The following ELAPOR1 variants were observed in gnomAD, a reference collection of about 807,000 sequenced individuals.
ELAPOR1 encodes endosome-lysosome associated apoptosis and autophagy regulator 1, also known as endosome/lysosome-associated apoptosis and autophagy regulator 1.
In ELAPOR1, 77 loss-of-function variants were observed where a neutral mutation model predicts 119.7. The observed-to-expected ratio is 0.64, with a 90% CI of 0.54 to 0.78. The LOEUF (loss-of-function observed/expected upper bound fraction) is 0.78, where lower values mean the gene tolerates loss of function less well. ELAPOR1 is among the 30% of genes least tolerant of loss of function. ELAPOR1 has a pLI of 0.00. For missense variants in ELAPOR1, 1,115 were observed against 1,270.4 expected (o/e 0.88, Z 1.86); for synonymous variants, 481 against 487.2 (o/e 0.99, Z 0.17).
At chr1:109,141,018 A>G (rs1649793488) in intron 1 of ELAPOR1, among the ~76,000 whole-genome samples, 1 of 151,832 alleles carries the variant, frequency 6.6e-6, no homozygotes, top group Non-Finnish European at 1.5e-5. Flanking sequence ...CATCCAGCTA[A>G]TTTTTGTGTT....
At chr1:109,120,463 T>C (rs1221874868) in intron 1 of ELAPOR1, among the ~76,000 whole-genome samples, 1 of 152,006 alleles carries the variant, frequency 6.6e-6, no homozygotes. Flanking sequence ...CCCTCCACTA[T>C]ATGAGGACAC....
At chr1:109,191,935 A>C (rs1432994735) in intron 13 of ELAPOR1, 72 bp downstream of exon 13, 1 of 1,555,864 alleles carries the variant, frequency 6.4e-7, no homozygotes, top group Non-Finnish European at 8.8e-7. Context: ...GCATTAGCTT[A>C]AGTATGAGTG....
chr1:109,117,685 A>G (rs1364966603), intron 1 of ELAPOR1, among the ~76,000 whole-genome samples: 2 of 152,244 alleles, frequency 1.3e-5, no homozygotes, highest in African/African-American at 4.8e-5. Context: ...TGCCTAGTAC[A>G]TACCCTTGAT....
At chr1:109,135,846 G>T (rs568577389) in intron 1 of ELAPOR1, among the ~76,000 whole-genome samples, 2 of 152,278 alleles carry the variant, frequency 1.3e-5, no homozygotes, top group African/African-American at 4.8e-5. Context: ...TGAGCTGGGT[G>T]GTGGGACGAG....
In ELAPOR1 at chr1:109,164,581, C is replaced by T; in HGVS notation, c.357C>T (p.Gly119=). Residue 119 remains glycine (G), a synonymous_variant, in exon 3 of 22, where the codon GGC becomes GGT. Coordinates refer to ENST00000369939, the MANE Select transcript of ELAPOR1 (RefSeq NM_020775.5). ...GCGCTGAGGGCCGCTACTCCCTCGG[C>T]ACAGGCATTCGGTTTGATGAGTGGG... is the stretch of plus-strand genomic sequence containing the variant. ...KPCAEGRYSL[G]TGIRFDEWDE... is the part of the protein sequence containing the mutation. 6.2e-7 allele frequency: 1 copy of T among 1,614,262 alleles called. No individual in the cohort carries two copies.
chr1:109,204,134 G>C lies in ELAPOR1; in HGVS notation c.*1122G>C, dbSNP rs1654355203. 1 of 152,218 alleles carries C rather than the reference G, an allele frequency of 6.6e-6. No homozygotes were observed. Among genetic ancestry groups the C allele is most frequent in the Non-Finnish European group, 1.5e-5 (1 of 68,140 alleles). The allele number at this position is 152,218 out of a possible 1,614,324, so 9.4% of individuals were successfully genotyped here. Reference sequence around the variant, plus strand: ...CACAGGGTTTCACCATGTTGCCCAGGCTGGTCTCCAACTCCTGGGCTCAAG... The same window carrying C: ...CACAGGGTTTCACCATGTTGCCCAGCCTGGTCTCCAACTCCTGGGCTCAAG... On this transcript the variant is annotated 3_prime_UTR_variant, in exon 22 of 22. Transcript: ENST00000369939.
Position 109,198,045 on chromosome 1 carries a change from T to G in ELAPOR1, c.2369T>G (p.Leu790Trp). Residue 790 changes from leucine to tryptophan, a missense_variant, in exon 17 of 22, where the codon TTG (leucine) becomes TGG (tryptophan). Physicochemically the swap from Leu to Trp is moderately conservative, Grantham distance 61. Coordinates refer to ENST00000369939, the MANE Select transcript of ELAPOR1 (RefSeq NM_020775.5). Reference sequence around the variant, plus strand: ...GCTGAACTTTTCCACCTGGAGTCCTTGGGAATACCGGACGTGATCTTCTTT... The same window carrying G: ...GCTGAACTTTTCCACCTGGAGTCCTGGGGAATACCGGACGTGATCTTCTTT... ...SPAELFHLES[L>W]GIPDVIFFYR... The G allele has an allele frequency of 6.2e-7, 1 of 1,614,012 alleles. No individual in the cohort carries two copies. Among genetic ancestry groups the G allele is most frequent in the Non-Finnish European group, 8.5e-7 (1 of 1,179,894 alleles).
chr1:109,187,906 C>T, intron 8 of ELAPOR1: 1 of 1,163,332 alleles, frequency 8.6e-7, no homozygotes. Flanking sequence ...CAACTGGTCC[C>T]ACATTCTCTG....
intron 20 of ELAPOR1, among the ~76,000 whole-genome samples, chr1:109,200,474 C>T (rs1268452215): frequency 6.6e-6 from 1 of 152,130 alleles, no homozygotes; most frequent in Non-Finnish European, 1.5e-5. Context: ...CTATTATTAA[C>T]AGTACAGAGA....
chr1:109,199,142 G>T (rs1475782775), intron 18 of ELAPOR1, among the ~76,000 whole-genome samples: 1 of 152,114 alleles, frequency 6.6e-6, no homozygotes, highest in Non-Finnish European at 1.5e-5. Context: ...AAGGTTTAGG[G>T]ATCCTAGGAA....
chr1:109,173,926 G>A (rs930307368), intron 7 of ELAPOR1, 89 bp downstream of exon 7: 102 of 1,409,006 alleles, frequency 7.2e-5, no homozygotes, highest in Non-Finnish European at 9.8e-5. Context: ...CCATCCTTCT[G>A]GCCAAGCTGA....
chr1:109,192,581 C>T, intron 13 of ELAPOR1, 30 bp from the exon 14 acceptor site: 1 of 1,610,542 alleles, frequency 6.2e-7, no homozygotes, highest in Non-Finnish European at 8.5e-7. Context: ...CAGGCCTCTC[C>T]CCTCTCCCCT....
rs1181749432 is a variant in ELAPOR1 at position 109,200,129 on chromosome 1, C to A, written c.2699C>A (p.Thr900Asn). 1.9e-6 allele frequency: 3 copies of A among 1,614,094 alleles called. No individual in the cohort carries two copies. Among genetic ancestry groups the A allele is most frequent in the Non-Finnish European group, 2.5e-6 (3 of 1,180,054 alleles). ...GGISLPEQRV[T>N]ICKTIDFWLK... ...ATTTCTCTGCCTGAGCAGAGAGTCA[C>A]CATCTGCAAAACCATAGATTTCTGG... The change falls in exon 20 of 22, where the codon ACC becomes AAC. Residue 900 changes from threonine (T) to asparagine (N), a missense_variant. Transcript: ENST00000369939.
At chr1:109,147,865 T>C (rs1226729147) in intron 1 of ELAPOR1, among the ~76,000 whole-genome samples, 6 of 151,908 alleles carry the variant, frequency 3.9e-5, no homozygotes, top group Admixed American at 3.9e-4. Context: ...AGTCTTGCTC[T>C]GTTGCCCAGG....
At chr1:109,135,654 C>A (rs1208444943) in intron 1 of ELAPOR1, among the ~76,000 whole-genome samples, 1 of 152,158 alleles carries the variant, frequency 6.6e-6, no homozygotes, top group African/African-American at 2.4e-5. Flanking sequence ...ATGGAAAGTA[C>A]AAGAGCTTTG....
intron 7 of ELAPOR1, among the ~76,000 whole-genome samples, chr1:109,182,567 A>G (rs1393656347): frequency 3.9e-5 from 6 of 151,946 alleles, no homozygotes; most frequent in Admixed American, 1.3e-4. Context: ...ATATCCGTCT[A>G]GCTTAAAATC....
At chr1:109,162,096 C>A in intron 2 of ELAPOR1, 82 bp downstream of exon 2, 1 of 1,486,940 alleles carries the variant, frequency 6.7e-7, no homozygotes, top group Non-Finnish European at 9.2e-7. Flanking sequence ...AATCTGGGCC[C>A]TTCCTGGCAG....
intron 1 of ELAPOR1, among the ~76,000 whole-genome samples, chr1:109,140,831 G>A (rs1019964201): frequency 2.0e-5 from 3 of 152,160 alleles, no homozygotes; most frequent in Non-Finnish European, 2.9e-5. Flanking sequence ...ATACTTAAAA[G>A]CTTCAAATGC....
intron 7 of ELAPOR1, among the ~76,000 whole-genome samples, chr1:109,183,816 A>G (rs1295096656): frequency 2.0e-5 from 3 of 151,976 alleles, no homozygotes; most frequent in East Asian, 3.9e-4. Context: ...AGGGTTTGCT[A>G]TGTTGCCCAG....
Sources: allele counts gnomAD v4.1 joint callset (sites outside exome capture counted in the v4.1 genomes callset), GRCh38; gene constraint gnomAD v4.1.1; transcripts MANE v1.5; gene names NCBI Gene and HGNC (gene_info 2026-07-23, HGNC 2026-07-21).